The following OVCH2 variants were observed in gnomAD, a reference collection of about 807,000 sequenced individuals.
OVCH2 encodes ovochymase 2.
In OVCH2, 88 loss-of-function variants were observed where a neutral mutation model predicts 73.7. The observed-to-expected ratio is 1.19, with a 90% CI of 1.01 to 1.43. The LOEUF (loss-of-function observed/expected upper bound fraction) is 1.43, where lower values mean the gene tolerates loss of function less well. OVCH2 is among the 40% of genes most tolerant of loss of function. The pLI, the probability that OVCH2 is intolerant of heterozygous loss-of-function variation, is 0.00. For missense variants in OVCH2, 706 were observed against 674.5 expected (o/e 1.05, Z -0.52); for synonymous variants, 265 against 234.5 (o/e 1.13, Z -1.19).
At chr11:7,682,546 T>A in the OVCH2 span, among the ~76,000 whole-genome samples, 1 of 152,204 alleles carries the variant, frequency 6.6e-6, no homozygotes, top group South Asian at 2.1e-4. Flanking sequence ...ATTGAGAAAG[T>A]ATAGAGATGT....
chr11:7,685,714 T>G (rs75584117), downstream of OVCH2, among the ~76,000 whole-genome samples: 1 of 152,286 alleles, frequency 6.6e-6, no homozygotes, highest in Non-Finnish European at 1.5e-5. Flanking sequence ...TTGCAGGATA[T>G]CTTTATCTTG....
intron 13 of OVCH2, 25 bp downstream of exon 13, chr11:7,691,877 G>C (rs760703148): frequency 2.0e-6 from 3 of 1,530,922 alleles, no homozygotes; most frequent in Non-Finnish European, 8.9e-7. Context: ...AAACCAGAGC[G>C]AGCTGAGGCT....
intron 14 of OVCH2, among the ~76,000 whole-genome samples, chr11:7,690,254 T>G (rs1007337832): frequency 6.6e-6 from 1 of 152,216 alleles, no homozygotes; most frequent in African/African-American, 2.4e-5. Flanking sequence ...CTTTGTGGGG[T>G]TTGGAAAGAA....
chr11:7,683,216 T>G, the OVCH2 span, among the ~76,000 whole-genome samples: 1 of 152,208 alleles, frequency 6.6e-6, no homozygotes, highest in African/African-American at 2.4e-5. Flanking sequence ...TCCTTTTAAA[T>G]GAATAGGCAA....
chr11:7,679,984 C>T, the OVCH2 span, among the ~76,000 whole-genome samples: 1 of 152,192 alleles, frequency 6.6e-6, no homozygotes, highest in Admixed American at 6.5e-5. Flanking sequence ...ATATGCCTTG[C>T]TCTGTGAATC....
At chr11:7,694,232 A>T (rs1159883780) in intron 12 of OVCH2, among the ~76,000 whole-genome samples, 1 of 151,934 alleles carries the variant, frequency 6.6e-6, no homozygotes, top group Admixed American at 6.6e-5. Flanking sequence ...TCCTACTTCT[A>T]CCTCCCTGAT....
chr11:7,702,278 C>G lies in OVCH2; in HGVS notation c.342G>C (p.Gln114His), dbSNP rs968981246. The change falls in exon 4 of 16, where the codon CAG becomes CAC. Residue 114 changes from glutamine to histidine, a missense_variant. Coordinates refer to ENST00000533663, the MANE Select transcript of OVCH2 (RefSeq NM_198185.7). ...TGAGAGTTTGCTCTCCTGGGTCTGTCTGGCTTAAGTCATACTCTCCAGCAG... is the reference window on the plus strand; with the variant it reads ...TGAGAGTTTGCTCTCCTGGGTCTGTGTGGCTTAAGTCATACTCTCCAGCAG... ...NVTAGEYDLS[Q>H]TDPGEQTLTI... is the part of the protein sequence containing the mutation. 1.9e-6 allele frequency: 3 copies of G among 1,612,014 alleles called. No individual in the cohort carries two copies. The highest frequency in any genetic ancestry group is 1.3e-5 in the African/African-American group (1 of 74,958).
chr11:7,685,634 C>G (rs1445074903), downstream of OVCH2, among the ~76,000 whole-genome samples: 1 of 150,052 alleles, frequency 6.7e-6, no homozygotes, highest in South Asian at 2.1e-4. Flanking sequence ...TTGAATAGCT[C>G]CCACCCGGTC....
rs1362044124 is a variant in OVCH2 at position 7,704,633 on chromosome 11, T to A, written c.130A>T (p.Asn44Tyr). The change falls in exon 2 of 16, where the codon AAT becomes TAT. Residue 44 changes from asparagine to tyrosine, a missense_variant. By Grantham distance (143) the Asn-to-Tyr change is moderately radical (BLOSUM62 -2). Transcript: ENST00000533663. ...GQSLVKVQPW[N>Y]YFNIFSRILG... ...ATGCGACTGAAAATGTTAAAATAAT[T>A]CCAAGGCTGTACCTTAACCAGACTC... 6.2e-7 allele frequency: 1 copy of A among 1,612,756 alleles called. No homozygotes were observed. The highest frequency in any genetic ancestry group is 1.1e-5 in the South Asian group (1 of 90,824).
chr11:7,689,717 T>TG, intron 15 of OVCH2, 115 bp from the exon 16 acceptor site: 1 of 654,844 alleles, frequency 1.5e-6, no homozygotes, highest in African/African-American at 1.8e-5. Flanking sequence ...CTAGTCATAC[T>TG]GGATTAGGGC....
chr11:7,704,920 A>G (rs991193970), intron 1 of OVCH2, among the ~76,000 whole-genome samples: 1 of 152,196 alleles, frequency 6.6e-6, no homozygotes, highest in Admixed American at 6.5e-5. Flanking sequence ...TTTGCTAGGT[A>G]ATAGAAGAAA....
chr11:7,689,892 G>A, intron 15 of OVCH2, 32 bp downstream of exon 15: 2 of 1,242,444 alleles, frequency 1.6e-6, no homozygotes, highest in Non-Finnish European at 2.3e-6. Context: ...ATTATACTCT[G>A]TGTGTATCAA....
chr11:7,703,659 G>T (rs762546953), intron 3 of OVCH2, 39 bp downstream of exon 3: 7 of 1,459,596 alleles, frequency 4.8e-6, no homozygotes, highest in Middle Eastern at 1.8e-4. Context: ...GAGAAGAAAT[G>T]GTGGTGTGGT....
intron 15 of OVCH2, 109 bp from the exon 16 acceptor site, chr11:7,689,711 T>G: frequency 4.6e-6 from 3 of 645,340 alleles, no homozygotes; most frequent in Non-Finnish European, 8.6e-6. Context: ...AGGACACTAG[T>G]CATACTGGAT....
chr11:7,689,054 T>C (rs1304755143), downstream of OVCH2, among the ~76,000 whole-genome samples: 2 of 152,216 alleles, frequency 1.3e-5, no homozygotes, highest in Non-Finnish European at 2.9e-5. Context: ...TTTTGATATG[T>C]CAGCTTAGCT....
intron 12 of OVCH2, among the ~76,000 whole-genome samples, chr11:7,694,616 T>C (rs201929427): frequency 4.3e-5 from 1 of 23,390 alleles, no homozygotes; most frequent in Non-Finnish European, 9.7e-5. Flanking sequence ...GTTTTTGTTT[T>C]GTTTTGTTTT....
At chr11:7,697,632 T>A (rs1191779695) in intron 8 of OVCH2, among the ~76,000 whole-genome samples, 1 of 152,216 alleles carries the variant, frequency 6.6e-6, no homozygotes, top group East Asian at 1.9e-4. Flanking sequence ...TAGTCTCTCA[T>A]GCTCAAAACT....
At position 7,701,426 on chromosome 11, in the gene OVCH2, G is replaced by T; in HGVS notation, c.609C>A (p.Thr203=). ...VLQEVNLPIL[T]WEECVAALLT... ...ACAGAGCTGCCACACACTCTTCCCA[G>T]GTCAAAATAGGCAGATTCACTTCCT... The change falls in exon 6 of 16, where the codon ACC becomes ACA. Residue 203 remains threonine, a synonymous_variant. Transcript: ENST00000533663. 6.2e-7 allele frequency: 1 copy of T among 1,612,518 alleles called. No homozygotes were observed. Among genetic ancestry groups the T allele is most frequent in the Non-Finnish European group, 8.5e-7 (1 of 1,179,426 alleles).
chr11:7,692,049 CT>C, intron 12 of OVCH2, 54 bp from the exon 13 acceptor site: 1 of 1,314,374 alleles, frequency 7.6e-7, no homozygotes. Context: ...AATTACCTGA[CT>C]TTGATTCAGC....
Sources: gnomAD v4.1 joint callset for allele counts (sites outside exome capture counted in the v4.1 genomes callset) on GRCh38, gnomAD v4.1.1 for gene constraint, MANE v1.5 for transcripts, NCBI Gene and HGNC (gene_info 2026-07-23, HGNC 2026-07-21) for gene names.